GRAMD1B: variants seen among roughly 807,000 people sequenced by gnomAD.
GRAMD1B encodes GRAM domain containing 1B, also known as protein Aster-B.
In GRAMD1B, 37 loss-of-function variants were observed where a neutral mutation model predicts 99.7. That is an observed-to-expected ratio of 0.37 (90% confidence interval 0.29 to 0.49). The LOEUF is 0.49. Ranked by LOEUF, GRAMD1B falls within the 20% of genes least tolerant of loss-of-function variation. GRAMD1B has a pLI of 0.98. For synonymous variants in GRAMD1B, 427 were observed against 387.6 expected, an observed-to-expected ratio of 1.10 and a Z score of -1.19; for missense variants, 888 against 1,009.2, an observed-to-expected ratio of 0.88 and a Z score of 1.63.
At chr11:123,414,130 C>T (rs964986752) in intron 1 of GRAMD1B, among the ~76,000 whole-genome samples, 5 of 151,974 alleles carry the variant, frequency 3.3e-5, no homozygotes, top group Admixed American at 6.6e-5. Context: ...CTGCAACCTC[C>T]GCCTCCCAGG....
At chr11:123,475,789 C>T (rs1951238678) in intron 1 of GRAMD1B, among the ~76,000 whole-genome samples, 1 of 152,210 alleles carries the variant, frequency 6.6e-6, no homozygotes, top group Non-Finnish European at 1.5e-5. Flanking sequence ...TCTTCTCCCA[C>T]TAAGGCCTTG....
chr11:123,569,483 A>T (rs1039329267), intron 2 of GRAMD1B, among the ~76,000 whole-genome samples: 1 of 152,202 alleles, frequency 6.6e-6, no homozygotes, highest in African/African-American at 2.4e-5. Context: ...GACTAGTGAT[A>T]GTACAGAAAG....
chr11:123,372,718 C>T (rs1033373085), intron 1 of GRAMD1B, among the ~76,000 whole-genome samples: 1 of 152,166 alleles, frequency 6.6e-6, no homozygotes, highest in African/African-American at 2.4e-5. Context: ...ATAATTCGAG[C>T]AGGTAAATTT....
intron 2 of GRAMD1B, among the ~76,000 whole-genome samples, chr11:123,518,551 A>G (rs1009255130): frequency 6.6e-6 from 1 of 152,158 alleles, no homozygotes; most frequent in African/African-American, 2.4e-5. Context: ...ATTCTCAGAT[A>G]CGGTGTTTTT....
chr11:123,548,349 CATATATATATATATGT>C (rs368446918), intron 2 of GRAMD1B, among the ~76,000 whole-genome samples: 65 of 107,616 alleles, frequency 6.0e-4, no homozygotes, highest in South Asian at 1.3e-3. Context: ...CACACACACA[CATATATATATATATGT>C]ACACACACAC....
At chr11:123,558,127 T>G (rs2003795) in intron 2 of GRAMD1B, among the ~76,000 whole-genome samples, 69,539 of 151,490 alleles carry the variant, frequency 0.46, 17,134 homozygotes, top group African/African-American at 0.65. Context: ...GGGATTACAA[T>G]TGTGTGCCAC....
intron 1 of GRAMD1B, among the ~76,000 whole-genome samples, chr11:123,381,864 G>T (rs527381253): frequency 1.3e-5 from 2 of 152,300 alleles, no homozygotes; most frequent in East Asian, 3.9e-4. Flanking sequence ...GAGTGAGGTG[G>T]CGACTAGCCT....
At chr11:123,521,316 T>C (rs1319586661) in intron 2 of GRAMD1B, among the ~76,000 whole-genome samples, 2 of 152,234 alleles carry the variant, frequency 1.3e-5, no homozygotes, top group Non-Finnish European at 2.9e-5. Context: ...AGCTCCTTTT[T>C]ATATAGTTTA....
intron 1 of GRAMD1B, among the ~76,000 whole-genome samples, chr11:123,382,699 C>T (rs911408041): frequency 6.6e-6 from 1 of 152,028 alleles, no homozygotes; most frequent in Non-Finnish European, 1.5e-5. Flanking sequence ...AGATGGCACA[C>T]TCGGATAGGG....
At chr11:123,424,008 C>T (rs764350717) in intron 1 of GRAMD1B, among the ~76,000 whole-genome samples, 1 of 152,156 alleles carries the variant, frequency 6.6e-6, no homozygotes, top group Non-Finnish European at 1.5e-5. Flanking sequence ...AGAGGTTCCT[C>T]CTTTTCCTTG....
At chr11:123,479,429 A>G (rs571390235) in intron 1 of GRAMD1B, among the ~76,000 whole-genome samples, 6 of 152,332 alleles carry the variant, frequency 3.9e-5, no homozygotes, top group Admixed American at 1.3e-4. Flanking sequence ...AGGCTAAGGA[A>G]TATACTCTAT....
chr11:123,584,528 C>T (rs1219288584), intron 4 of GRAMD1B, among the ~76,000 whole-genome samples, 196 bp downstream of exon 4: 7 of 116,954 alleles, frequency 6.0e-5, no homozygotes, highest in African/African-American at 2.3e-4. Flanking sequence ...GGATTGCATT[C>T]AGGGGACCAA....
chr11:123,458,653 A>C (rs533112308), intron 1 of GRAMD1B: 9 of 152,116 alleles, frequency 5.9e-5, no homozygotes, highest in African/African-American at 2.2e-4. Flanking sequence ...TATAGGATGA[A>C]CAGTATCCTA....
intron 2 of GRAMD1B, among the ~76,000 whole-genome samples, chr11:123,559,246 A>G (rs1042564980): frequency 5.9e-5 from 9 of 152,350 alleles, no homozygotes; most frequent in Admixed American, 3.9e-4. Context: ...TGAGCTAACC[A>G]TCATCATTGT....
At chr11:123,513,208 G>A (rs1376775926) in intron 2 of GRAMD1B, among the ~76,000 whole-genome samples, 1 of 152,136 alleles carries the variant, frequency 6.6e-6, no homozygotes, top group Non-Finnish European at 1.5e-5. Context: ...AATGTACTGG[G>A]TTAATTTACC....
Position 123,590,563 on chromosome 11 carries a change from G to A in GRAMD1B, c.685-3519G>A, listed in dbSNP as rs939843701. Among the ~76,000 whole-genome samples, 3 of 152,154 alleles carry A rather than the reference G, an allele frequency of 2.0e-5. No individual in the cohort carries two copies. In the East Asian group the frequency reaches 5.8e-4, roughly 29 times the overall value. ...TCCTGTAACTTGAAGCATGTGTAGG[G>A]CCCAGCTCTTCCCACCCACCTGCCC... On this transcript the variant is annotated intron_variant, in intron 4 of 19. Coordinates refer to ENST00000635736, the MANE Select transcript of GRAMD1B (RefSeq NM_001387025.1).
intron 2 of GRAMD1B, among the ~76,000 whole-genome samples, chr11:123,494,867 C>G (rs1470404144): frequency 6.6e-6 from 1 of 152,098 alleles, no homozygotes; most frequent in African/African-American, 2.4e-5. Flanking sequence ...TTAGGCTTGT[C>G]CTGCTCTCTG....
chr11:123,422,450 G>C (rs1948478515), intron 1 of GRAMD1B, among the ~76,000 whole-genome samples: 2 of 152,220 alleles, frequency 1.3e-5, no homozygotes, highest in Non-Finnish European at 2.9e-5. Flanking sequence ...ATACAGCCTA[G>C]TCGTCTTCAG....
intron 2 of GRAMD1B, among the ~76,000 whole-genome samples, chr11:123,514,422 A>G (rs933889451): frequency 1.3e-5 from 2 of 152,206 alleles, no homozygotes; most frequent in African/African-American, 2.4e-5. Context: ...TCGTTTGTCC[A>G]TGAGTTCACC....
Sources: allele counts gnomAD v4.1 joint callset (sites outside exome capture counted in the v4.1 genomes callset), GRCh38; gene constraint gnomAD v4.1.1; transcripts MANE v1.5; gene names NCBI Gene and HGNC (gene_info 2026-07-23, HGNC 2026-07-21).